Variants in AP1B1 observed in about 807,000 individuals in gnomAD.
The protein encoded by AP1B1 is AP-1 complex subunit beta-1.
Under a neutral mutation model 104.3 loss-of-function variants are expected in AP1B1, and 36 were observed. The ratio of observed to expected loss-of-function variants is 0.35; its 90% CI spans 0.26 to 0.46. AP1B1 has a LOEUF of 0.46. Ranked by LOEUF, AP1B1 falls within the 20% of genes least tolerant of loss-of-function variation. The probability of loss-of-function intolerance (pLI) is 1.00; values close to 1 mark genes in which losing one functional copy is unlikely to be tolerated. For missense variants in AP1B1, 901 were observed against 1,247.9 expected (o/e 0.72, Z 4.19); for synonymous variants, 504 against 517.5 (o/e 0.97, Z 0.35).
intron 11 of AP1B1, among the ~76,000 whole-genome samples, chr22:29,348,803 T>C (rs996279322): frequency 6.6e-6 from 1 of 152,198 alleles, no homozygotes; most frequent in African/African-American, 2.4e-5. Flanking sequence ...GGTCTACTGG[T>C]GTATTCCTAA....
chr22:29,347,986 T>C (rs2061817637), intron 11 of AP1B1, among the ~76,000 whole-genome samples: 1 of 152,208 alleles, frequency 6.6e-6, no homozygotes, highest in Non-Finnish European at 1.5e-5. Flanking sequence ...AAAGCATAAA[T>C]GAATGAGAGC....
intron 2 of AP1B1, among the ~76,000 whole-genome samples, chr22:29,364,608 G>A (rs1302596955): frequency 6.6e-6 from 1 of 152,072 alleles, no homozygotes; most frequent in African/African-American, 2.4e-5. Context: ...TAGTACAGAC[G>A]GGGTTTCACC....
intron 1 of AP1B1, among the ~76,000 whole-genome samples, chr22:29,374,994 T>A (rs565338620): frequency 3.9e-5 from 6 of 151,958 alleles, no homozygotes; most frequent in Non-Finnish European, 7.4e-5. Context: ...CCCAACTCTA[T>A]ACATAAATAA....
chr22:29,370,466 A>AAAAAAAGAAAG (rs532561379), intron 1 of AP1B1: 1 of 149,874 alleles, frequency 6.7e-6, no homozygotes, highest in African/African-American at 2.5e-5. Flanking sequence ...AAAAAAAAAA[A>AAAAAAAGAAAG]AAAGAAAGAA....
rs147984110 is a variant in AP1B1 at position 29,351,711 on chromosome 22, G to A, written c.1053C>T (p.Ile351=). Residue 351 remains isoleucine (I), a synonymous_variant, in exon 8 of 23, where the codon ATC becomes ATT. Coordinates refer to ENST00000357586, the MANE Select transcript of AP1B1 (RefSeq NM_001127.4). ...IMIRLASQAN[I]AQVLAELKEY... is the part of the protein sequence containing the mutation. ...ACCATCACACGCAGCTGACCTGGGCGATGTTGGCCTGAGAGGCCAGGCGGA... is the reference window on the plus strand; with the variant it reads ...ACCATCACACGCAGCTGACCTGGGCAATGTTGGCCTGAGAGGCCAGGCGGA... The A allele has an allele frequency of 1.9e-5, 31 of 1,613,944 alleles. No individual in the cohort carries two copies. In the East Asian group the frequency reaches 2.5e-4, roughly 13 times the overall value.
At position 29,339,118 on chromosome 22, in the gene AP1B1, A is replaced by C. The variant is rs1467010343; in HGVS notation, c.2035T>G (p.Phe679Val). 6.2e-7 allele frequency: 1 copy of C among 1,614,046 alleles called. No homozygotes were observed. The highest frequency in any genetic ancestry group is 1.3e-5 in the African/African-American group (1 of 74,918). Residue 679 changes from phenylalanine to valine, a missense_variant, in exon 16 of 23, where the codon TTC (phenylalanine) becomes GTC (valine). This residue lies in a region of AP1B1 where 424 missense variants were observed against 494.0 expected (regional missense o/e 0.86). Coordinates refer to ENST00000357586, the MANE Select transcript of AP1B1 (RefSeq NM_001127.4). Reference protein sequence around the residue: ...DEPEGIGGTNFVAPPTAAVPA... With the variant: ...DEPEGIGGTNVVAPPTAAVPA... ...ACTGCTGCTGTTGGAGGTGCCACGA[A>C]GTTGGTGCCCCCAATCTGGAAAGGG...
At chr22:29,384,655 G>A (rs1445053236) in intron 1 of AP1B1, among the ~76,000 whole-genome samples, 1 of 151,980 alleles carries the variant, frequency 6.6e-6, no homozygotes. Context: ...GTCACTTGAG[G>A]TCAGGAGTTC....
chr22:29,334,216 T>A lies in AP1B1; in HGVS notation c.2309+49A>T. On this transcript the variant is annotated intron_variant, in intron 17 of 22. Coordinates refer to ENST00000357586, the MANE Select transcript of AP1B1 (RefSeq NM_001127.4). ...CCCAGAACAGACTCCGAGTGGGTTC[T>A]CTCACAGGCCTCCTCTTGAGAGGTG... The A allele has an allele frequency of 2.6e-6, 4 of 1,518,878 alleles. No individual in the cohort carries two copies. In the Middle Eastern group the frequency reaches 7.0e-4, roughly 268 times the overall value. 94.1% of individuals were successfully genotyped at this position (1,518,878 alleles called of 1,614,324 possible). A position where few individuals can be genotyped will look rare whatever the true frequency, so the allele number is the denominator to read the frequency against.
rs148626018 is a variant in AP1B1 at position 29,364,839 on chromosome 22, G to C, written c.38-1733C>G. On this transcript the variant is annotated intron_variant, in intron 2 of 22. Coordinates refer to ENST00000357586, the MANE Select transcript of AP1B1 (RefSeq NM_001127.4). ...TTCTGCTGCCTCAGCCTCCCAAATA[G>C]CTGGAACTATAGGCGGACACCATCA... 6.0e-3 allele frequency among the ~76,000 whole-genome samples: 909 copies of C among 152,028 alleles called. 8 individuals are homozygous for C. Among genetic ancestry groups the C allele is most frequent in the African/African-American group, 0.021 (850 of 41,452 alleles).
chr22:29,331,470 A>G lies in AP1B1; in HGVS notation c.2503T>C (p.Phe835Leu). ...TCACCCATCTTCCCGTCCTCCACAA[A>G]GAGGATGTGCAGTGGGTACAAGGTG... ...FSTLYPLHILFVEDGKMDRQM... is the reference protein window; with the variant it reads ...FSTLYPLHILLVEDGKMDRQM... Residue 835 changes from phenylalanine to leucine, a missense_variant, in exon 19 of 23, where the codon TTT (phenylalanine) becomes CTT (leucine). This residue lies in a region of AP1B1 where 424 missense variants were observed against 494.0 expected (regional missense o/e 0.86). Transcript: ENST00000357586. 1 of 1,614,146 alleles carries G rather than the reference A, an allele frequency of 6.2e-7. No homozygotes were observed. The highest frequency in any genetic ancestry group is 8.5e-7 in the Non-Finnish European group (1 of 1,180,012).
intron 11 of AP1B1, among the ~76,000 whole-genome samples, chr22:29,348,976 A>C (rs1448698223): frequency 6.6e-6 from 1 of 152,278 alleles, no homozygotes; most frequent in Non-Finnish European, 1.5e-5. Context: ...CTATGGAATT[A>C]AAACAAAATG....
chr22:29,333,062 G>A (rs1274959627), intron 17 of AP1B1: 1 of 153,446 alleles, frequency 6.5e-6, no homozygotes, highest in African/African-American at 2.4e-5. Flanking sequence ...GGAGCCTGGT[G>A]CACTTCTGTG....
intron 17 of AP1B1, 52 bp from the exon 18 acceptor site, chr22:29,331,968 G>A (rs765950832): frequency 2.8e-5 from 43 of 1,550,822 alleles, no homozygotes; most frequent in African/African-American, 4.1e-5. Flanking sequence ...GTGCTGATGC[G>A]GGACAGGTGA....
chr22:29,351,261 C>T lies in AP1B1; in HGVS notation c.1065G>A (p.Leu355=). 1 of 1,614,190 alleles carries T rather than the reference C, an allele frequency of 6.2e-7. No individual in the cohort carries two copies. The highest frequency in any genetic ancestry group is 8.5e-7 in the Non-Finnish European group (1 of 1,180,046). Residue 355 remains leucine, a synonymous_variant, in exon 9 of 23, where the codon TTG becomes TTA. Transcript: ENST00000357586. The part of the protein sequence containing the change: ...LASQANIAQV[L]AELKEYATEV... The stretch of plus-strand genomic sequence containing the variant: ...CTGTTGCGTACTCTTTCAGCTCTGC[C>T]AACACCTGTGGCCCAAACAGAAAAG...
At chr22:29,356,191 C>A (rs4823033) in intron 6 of AP1B1, among the ~76,000 whole-genome samples, 186 of 152,312 alleles carry the variant, frequency 1.2e-3, no homozygotes, top group African/African-American at 4.1e-3. Context: ...GGGCTTCTGC[C>A]AGCTCCAAGG....
At chr22:29,334,479 C>T in intron 16 of AP1B1, 69 bp from the exon 17 acceptor site, 1 of 1,505,840 alleles carries the variant, frequency 6.6e-7, no homozygotes. Flanking sequence ...AACAGCCCAC[C>T]TGAGGGTGCT....
At chr22:29,342,421 C>T in intron 11 of AP1B1, 38 bp from the exon 12 acceptor site, 1 of 1,544,664 alleles carries the variant, frequency 6.5e-7, no homozygotes, top group South Asian at 1.1e-5. Flanking sequence ...AAGTGTGGGC[C>T]TCACATGGGG....
chr22:29,352,191 C>T (rs1449196487), intron 7 of AP1B1, among the ~76,000 whole-genome samples: 2 of 152,228 alleles, frequency 1.3e-5, no homozygotes, highest in Non-Finnish European at 2.9e-5. Context: ...ATGGGAATGA[C>T]GCTGTACAGA....
At chr22:29,356,661 C>T in intron 5 of AP1B1, 45 bp from the exon 6 acceptor site, 2 of 1,571,488 alleles carry the variant, frequency 1.3e-6, no homozygotes, top group African/African-American at 1.3e-5. Context: ...GTGCTGCTCA[C>T]AGGCCAGGGG....
Sources: allele counts gnomAD v4.1 joint callset (sites outside exome capture counted in the v4.1 genomes callset), GRCh38; gene constraint gnomAD v4.1.1; regional missense constraint gnomAD v4.1.1; transcripts MANE v1.5; gene names NCBI Gene and HGNC (gene_info 2026-07-23, HGNC 2026-07-21).